The following ADGRV1 variants were observed in gnomAD, a reference collection of about 807,000 sequenced individuals.
ADGRV1 encodes the protein adhesion G protein-coupled receptor V1.
ADGRV1 carries 359 observed loss-of-function variants against 596.2 expected under a neutral mutation model. That is an observed-to-expected ratio of 0.60 (90% confidence interval 0.55 to 0.66). The LOEUF is 0.66. ADGRV1 is among the 30% of genes least tolerant of loss of function. The probability of loss-of-function intolerance (pLI) is 0.00; values close to 1 mark genes in which losing one functional copy is unlikely to be tolerated. For missense variants in ADGRV1, 7,274 were observed against 7,575.6 expected, an observed-to-expected ratio of 0.96 and a Z score of 1.48; for synonymous variants, 2,681 against 2,679.2, an observed-to-expected ratio of 1.00 and a Z score of -0.02.
At chr5:91,009,537 C>A (rs1782556961) in intron 85 of ADGRV1, among the ~76,000 whole-genome samples, 3 of 151,984 alleles carry the variant, frequency 2.0e-5, no homozygotes, top group African/African-American at 7.2e-5. Flanking sequence ...ATGTTCATAC[C>A]TGTAATCTTT....
Position 90,704,439 on chromosome 5 carries a change from T to C in ADGRV1, c.8337T>C (p.Pro2779=), listed in dbSNP as rs967561283. 1.3e-5 allele frequency: 21 copies of C among 1,582,830 alleles called. No homozygotes were observed. Among genetic ancestry groups the C allele is most frequent in the Non-Finnish European group, 1.8e-5 (21 of 1,162,850 alleles). ...LFVHLLDDNI[P]EEKEVYQVIL... ...TGCATTTGTTGGATGACAACATTCC[T>C]GAGGAGAAAGAAGTATACCAAGTCA... is the stretch of plus-strand genomic sequence containing the variant. The change falls in exon 36 of 90, where the codon CCT becomes CCC. Residue 2779 remains proline (P), a synonymous_variant. Transcript: ENST00000405460.
chr5:90,987,062 C>T (rs2151056277), intron 85 of ADGRV1, among the ~76,000 whole-genome samples: 1 of 152,206 alleles, frequency 6.6e-6, no homozygotes, highest in South Asian at 2.1e-4. Flanking sequence ...AAAGAATGTC[C>T]AAATGAGCTT....
intron 86 of ADGRV1, among the ~76,000 whole-genome samples, chr5:91,101,801 A>ACACG (rs965352268): frequency 6.6e-6 from 1 of 152,108 alleles, no homozygotes; most frequent in East Asian, 1.9e-4. Context: ...ACACACACAC[A>ACACG]CACGCACACA....
chr5:91,035,385 T>G (rs1784781523), intron 85 of ADGRV1, among the ~76,000 whole-genome samples: 1 of 152,168 alleles, frequency 6.6e-6, no homozygotes. Context: ...CCAAGAAGAA[T>G]TCTGTTTATA....
In ADGRV1 at chr5:90,756,547, C is replaced by A. The variant is rs766913299; in HGVS notation, c.11674C>A (p.Arg3892=). ...SDFSTGQPSV[R]RPGMEIAEIM... is the part of the protein sequence containing the mutation. ...CTTCTCTACAGGACAGCCAAGTGTG[C>A]GGAGGCCCGGAATGGAAATAGCTGA... The change falls in exon 56 of 90, where the codon CGG becomes AGG. Residue 3892 remains arginine (R), a synonymous_variant. Transcript: ENST00000405460. The A allele has an allele frequency of 6.2e-7, 1 of 1,612,792 alleles. No individual in the cohort carries two copies. Among genetic ancestry groups the A allele is most frequent in the African/African-American group, 1.3e-5 (1 of 74,820 alleles).
chr5:90,595,881 G>T (rs1183793464), intron 1 of ADGRV1, among the ~76,000 whole-genome samples: 5 of 150,262 alleles, frequency 3.3e-5, no homozygotes, highest in African/African-American at 9.8e-5. Context: ...CTGGCCTGGC[G>T]GGGGGCTGAC....
intron 85 of ADGRV1, among the ~76,000 whole-genome samples, chr5:90,986,760 T>G (rs1440693690): frequency 6.6e-6 from 1 of 152,220 alleles, no homozygotes; most frequent in Non-Finnish European, 1.5e-5. Context: ...ATATTATGAT[T>G]TTTTACATTT....
At chr5:91,127,613 T>C (rs1354409218) in intron 87 of ADGRV1, among the ~76,000 whole-genome samples, 1 of 152,018 alleles carries the variant, frequency 6.6e-6, no homozygotes, top group Non-Finnish European at 1.5e-5. Context: ...CTTTATGTCT[T>C]AGAGACATAT....
At chr5:91,051,778 A>C (rs1786355609) in intron 85 of ADGRV1, among the ~76,000 whole-genome samples, 1 of 152,006 alleles carries the variant, frequency 6.6e-6, no homozygotes, top group African/African-American at 2.4e-5. Context: ...TGATCTACTT[A>C]GGATATTTTT....
chr5:90,734,637 G>A (rs534156714), intron 50 of ADGRV1, among the ~76,000 whole-genome samples: 7 of 140,508 alleles, frequency 5.0e-5, no homozygotes, highest in African/African-American at 1.9e-4. Flanking sequence ...CCAGGCTAGA[G>A]TGCAGTGGTG....
chr5:91,130,548 T>C (rs561501641), intron 87 of ADGRV1, among the ~76,000 whole-genome samples: 1 of 150,124 alleles, frequency 6.7e-6, no homozygotes, highest in South Asian at 2.1e-4. Context: ...AAAAAAGTCT[T>C]GATGTCTTGA....
intron 83 of ADGRV1, among the ~76,000 whole-genome samples, chr5:90,867,458 A>G (rs939218989): frequency 8.5e-5 from 13 of 152,176 alleles, no homozygotes; most frequent in African/African-American, 3.1e-4. Flanking sequence ...TCATTCTGCA[A>G]CATTTTGGGA....
intron 85 of ADGRV1, among the ~76,000 whole-genome samples, chr5:91,062,571 C>T (rs1342365968): frequency 6.6e-6 from 1 of 152,072 alleles, no homozygotes; most frequent in African/African-American, 2.4e-5. Context: ...TGAATATTAA[C>T]GTCGTAGCAC....
intron 43 of ADGRV1, among the ~76,000 whole-genome samples, chr5:90,719,132 C>T (rs1024319225): frequency 1.3e-5 from 2 of 152,112 alleles, no homozygotes; most frequent in African/African-American, 4.8e-5. Flanking sequence ...GAGTTCGAGA[C>T]CAGCCTGGCC....
intron 83 of ADGRV1, among the ~76,000 whole-genome samples, chr5:90,928,870 G>A (rs375340392): frequency 8.1e-5 from 12 of 147,566 alleles, no homozygotes; most frequent in African/African-American, 2.5e-4. Context: ...CTCAGCTGCA[G>A]GTCTGTTGGA....
chr5:91,109,126 A>G (rs571904468), intron 87 of ADGRV1, among the ~76,000 whole-genome samples: 130 of 152,304 alleles, frequency 8.5e-4, no homozygotes, highest in African/African-American at 3.0e-3. Flanking sequence ...CTAAATGTTT[A>G]CTGTTAATTT....
At chr5:91,061,715 AT>A (rs1448383972) in intron 85 of ADGRV1, among the ~76,000 whole-genome samples, 2 of 152,204 alleles carry the variant, frequency 1.3e-5, no homozygotes, top group African/African-American at 4.8e-5. Context: ...AATGAGCCCA[AT>A]TCTTGTTCCT....
intron 75 of ADGRV1, among the ~76,000 whole-genome samples, chr5:90,817,554 G>A (rs1275590524): frequency 6.6e-6 from 1 of 151,788 alleles, no homozygotes; most frequent in Non-Finnish European, 1.5e-5. Context: ...TAGGTCTAAT[G>A]TTTAAGTCTT....
At chr5:91,101,467 C>T (rs999141366) in intron 86 of ADGRV1, among the ~76,000 whole-genome samples, 7 of 152,072 alleles carry the variant, frequency 4.6e-5, no homozygotes, top group Admixed American at 3.9e-4. Flanking sequence ...TGCAAAGATC[C>T]GATTCACTTT....
Sources: gnomAD v4.1 joint callset for allele counts (sites outside exome capture counted in the v4.1 genomes callset) on GRCh38, gnomAD v4.1.1 for gene constraint, MANE v1.5 for transcripts, NCBI Gene and HGNC (gene_info 2026-07-23, HGNC 2026-07-21) for gene names.